SNTB2: variants seen among roughly 807,000 people sequenced by gnomAD.
SNTB2 encodes the protein syntrophin beta 2, also known as beta-2-syntrophin.
SNTB2 carries 34 observed loss-of-function variants against 46.2 expected under a neutral mutation model. The observed-to-expected ratio is 0.74, with a 90% CI of 0.56 to 0.98. SNTB2 has a LOEUF of 0.98. Ranked by LOEUF, SNTB2 falls within the 50% of genes least tolerant of loss-of-function variation. The pLI is 0.00. For synonymous variants in SNTB2, 290 were observed against 312.6 expected, an observed-to-expected ratio of 0.93 and a Z score of 0.76; for missense variants, 603 against 731.4, an observed-to-expected ratio of 0.82 and a Z score of 2.02.
At chr16:69,202,448 G>A (rs1964172535) in intron 1 of SNTB2, among the ~76,000 whole-genome samples, 1 of 152,030 alleles carries the variant, frequency 6.6e-6, no homozygotes, top group Non-Finnish European at 1.5e-5. Flanking sequence ...TGTTACCCAG[G>A]CTGGAATGCA....
Position 69,249,953 on chromosome 16 carries a change from G to T in SNTB2, c.794+4138G>T, listed in dbSNP as rs1964709861. On this transcript the variant is annotated intron_variant, in intron 2 of 6. Coordinates refer to ENST00000336278, the MANE Select transcript of SNTB2 (RefSeq NM_006750.4). ...GTTTCTACTAAAAATACTAAAATTA[G>T]CCAGGTGTGGTGGTGCACGCCTGTA... Among the ~76,000 whole-genome samples the T allele has an allele frequency of 2.6e-5, 4 of 152,180 alleles. No individual in the cohort carries two copies. In the South Asian group the frequency reaches 8.3e-4, roughly 32 times the overall value.
Position 69,187,419 on chromosome 16 carries a change from G to T in SNTB2, c.253G>T (p.Gly85Trp), listed in dbSNP as rs1464475488. The T allele has an allele frequency of 1.1e-5, 13 of 1,219,520 alleles. No homozygotes were observed. The highest frequency in any genetic ancestry group is 1.6e-5 in the African/African-American group (1 of 62,742). 75.5% of individuals were successfully genotyped at this position (1,219,520 alleles called of 1,614,324 possible). A position where few individuals can be genotyped will look rare whatever the true frequency, so the allele number is the denominator to read the frequency against. Reference protein sequence around the residue: ...NGGGAGDSLPGSPSRGLGPPS... With the variant: ...NGGGAGDSLPWSPSRGLGPPS... ...CGGCGGCGCGGGCGACTCGCTGCCC[G>T]GGAGCCCAAGCCGCGGCCTGGGGCC... The change falls in exon 1 of 7, where the codon GGG becomes TGG. Residue 85 changes from glycine to tryptophan, a missense_variant. Around this residue, in one of 2 missense-constraint regions of SNTB2, gnomAD observed 537 missense variants for 692.4 expected, o/e 0.78. Transcript: ENST00000336278.
chr16:69,201,660 C>T (rs1415559825), intron 1 of SNTB2, among the ~76,000 whole-genome samples: 1 of 151,922 alleles, frequency 6.6e-6, no homozygotes, highest in Non-Finnish European at 1.5e-5. Context: ...CAATACTTCT[C>T]AGAAAACAAA....
rs1160109527 is a variant in SNTB2, at chr16:69,207,475, A to G, written c.580+19729A>G. On this transcript the variant is annotated intron_variant, in intron 1 of 6. Coordinates refer to ENST00000336278, the MANE Select transcript of SNTB2 (RefSeq NM_006750.4). Reference sequence around the variant, plus strand: ...GCCTGGTCAAAGTATAGATTTTTCAAAATCAAAATTTGATTTTATCTTACA... The same window carrying G: ...GCCTGGTCAAAGTATAGATTTTTCAGAATCAAAATTTGATTTTATCTTACA... Among the ~76,000 whole-genome samples the G allele has an allele frequency of 2.6e-5, 4 of 152,152 alleles. No homozygotes were observed. In the East Asian group the frequency reaches 7.7e-4, roughly 29 times the overall value.
At chr16:69,215,554 T>C (rs1964338999) in intron 1 of SNTB2, among the ~76,000 whole-genome samples, 1 of 152,202 alleles carries the variant, frequency 6.6e-6, no homozygotes, top group Non-Finnish European at 1.5e-5. Flanking sequence ...ACTAAAAACT[T>C]AATTATTAAA....
chr16:69,234,692 A>G (rs1409172996), intron 1 of SNTB2, among the ~76,000 whole-genome samples: 2 of 151,374 alleles, frequency 1.3e-5, no homozygotes, highest in East Asian at 3.9e-4. Context: ...TATGTGTTAT[A>G]CAACTTGGTA....
chr16:69,276,384 G>A (rs1964985507), intron 4 of SNTB2, among the ~76,000 whole-genome samples: 1 of 152,154 alleles, frequency 6.6e-6, no homozygotes, highest in Non-Finnish European at 1.5e-5. Flanking sequence ...TCCAGCATCT[G>A]GTTTGAATTA....
At position 69,300,929 on chromosome 16, in the gene SNTB2, CA is replaced by C. The variant is rs1263495393; in HGVS notation, c.*11del. On this transcript the variant is annotated 3_prime_UTR_variant, in exon 7 of 7. Coordinates refer to ENST00000336278, the MANE Select transcript of SNTB2 (RefSeq NM_006750.4). ...CGTATGGGACTGCTTGTATGAGCAA[CA>C]AAAAATCAGAAAAGAGCCTTGACTG... 3 of 1,553,474 alleles carry C rather than the reference CA, an allele frequency of 1.9e-6. No individual in the cohort carries two copies. The highest frequency in any genetic ancestry group is 1.1e-5 in the South Asian group (1 of 89,026).
intron 3 of SNTB2, among the ~76,000 whole-genome samples, chr16:69,269,248 G>A (rs1964915057): frequency 6.6e-6 from 1 of 152,054 alleles, no homozygotes; most frequent in African/African-American, 2.4e-5. Context: ...GCCAGGCATG[G>A]TGGCTCATGC....
In SNTB2 at chr16:69,284,261, T is replaced by A. The variant is rs1387468331; in HGVS notation, c.1345+17T>A. Reference sequence around the variant, plus strand: ...TCTCTCTAGGTAGAGATGCTGACTTTTTATTTCTAGTAGTAATTAAATAGA... The same window carrying A: ...TCTCTCTAGGTAGAGATGCTGACTTATTATTTCTAGTAGTAATTAAATAGA... On this transcript the variant is annotated intron_variant, in intron 5 of 6. Coordinates refer to ENST00000336278, the MANE Select transcript of SNTB2 (RefSeq NM_006750.4). 1 of 1,582,252 alleles carries A rather than the reference T, an allele frequency of 6.3e-7. No homozygotes were observed. The highest frequency in any genetic ancestry group is 8.6e-7 in the Non-Finnish European group (1 of 1,162,872).
At chr16:69,265,232 A>C (rs1438377673) in intron 3 of SNTB2, among the ~76,000 whole-genome samples, 5 of 151,890 alleles carry the variant, frequency 3.3e-5, no homozygotes, top group Non-Finnish European at 5.9e-5. Context: ...CTGGGCAACA[A>C]AGCGAGACTC....
At chr16:69,209,502 C>G (rs1471081224) in intron 1 of SNTB2, among the ~76,000 whole-genome samples, 2 of 152,114 alleles carry the variant, frequency 1.3e-5, no homozygotes, top group Non-Finnish European at 2.9e-5. Context: ...TTGAAATACT[C>G]TGCTTTATGG....
At chr16:69,252,245 G>A (rs1964734406) in intron 2 of SNTB2, among the ~76,000 whole-genome samples, 1 of 151,986 alleles carries the variant, frequency 6.6e-6, no homozygotes, top group East Asian at 1.9e-4. Flanking sequence ...ATCAGAATGA[G>A]TAAGTACAGG....
intron 1 of SNTB2, chr16:69,241,889 A>C (rs1162309241): frequency 6.9e-6 from 1 of 144,100 alleles, no homozygotes. Flanking sequence ...AGATCATGCC[A>C]CTGCACTTCA....
At chr16:69,232,261 A>G (rs1253203663) in intron 1 of SNTB2, among the ~76,000 whole-genome samples, 1 of 145,318 alleles carries the variant, frequency 6.9e-6, no homozygotes, top group South Asian at 2.1e-4. Context: ...GCTGGAGCGC[A>G]GTGGTGTGAT....
chr16:69,290,051 A>G (rs149923564), intron 5 of SNTB2, among the ~76,000 whole-genome samples: 101 of 152,360 alleles, frequency 6.6e-4, no homozygotes, highest in African/African-American at 2.3e-3. Context: ...AAACATGTCA[A>G]TGAATACCTA....
At chr16:69,233,920 T>A (rs1175063870) in intron 1 of SNTB2, among the ~76,000 whole-genome samples, 2 of 152,024 alleles carry the variant, frequency 1.3e-5, no homozygotes, top group Non-Finnish European at 2.9e-5. Flanking sequence ...GAGGCTGCAG[T>A]GAGCTATGAT....
intron 4 of SNTB2, among the ~76,000 whole-genome samples, chr16:69,274,519 G>A (rs1356033044): frequency 6.6e-6 from 1 of 151,990 alleles, no homozygotes; most frequent in Non-Finnish European, 1.5e-5. Context: ...CGGGTGTGGT[G>A]GCGGGCGCCT....
chr16:69,228,505 C>CAAAAAA (rs778681180), intron 1 of SNTB2, among the ~76,000 whole-genome samples: 4 of 50,158 alleles, frequency 8.0e-5, no homozygotes, highest in Non-Finnish European at 8.4e-5. Context: ...GACTCTATCT[C>CAAAAAA]AAAAAAAAAA....
Sources: gnomAD v4.1 joint callset for allele counts (sites outside exome capture counted in the v4.1 genomes callset) on GRCh38, gnomAD v4.1.1 for gene constraint, gnomAD v4.1.1 regional missense constraint, MANE v1.5 for transcripts, NCBI Gene and HGNC (gene_info 2026-07-23, HGNC 2026-07-21) for gene names.